The following MYOF variants were observed in gnomAD, a reference collection of about 807,000 sequenced individuals.
The protein encoded by MYOF is fer-1-like 3, myoferlin.
In MYOF, 244 loss-of-function variants were observed where a neutral mutation model predicts 284.2. That is an observed-to-expected ratio of 0.86 (90% confidence interval 0.77 to 0.95). The LOEUF is 0.95. Among genes scored for constraint, MYOF ranks in the 40% least tolerant of loss-of-function variants. The pLI is 0.00. For synonymous variants in MYOF, 904 were observed against 919.7 expected (o/e 0.98, Z 0.31); for missense variants, 2,496 against 2,560.6 (o/e 0.97, Z 0.54).
intron 2 of MYOF, among the ~76,000 whole-genome samples, chr10:93,456,263 G>A (rs701883): frequency 0.95 from 145,238 of 152,280 alleles, 69,615 homozygotes; most frequent in East Asian, 1. Context: ...ATCAGATGTC[G>A]TATTTCATTA....
At chr10:93,383,868 G>A (rs1024676701) in intron 19 of MYOF, among the ~76,000 whole-genome samples, 7 of 152,130 alleles carry the variant, frequency 4.6e-5, no homozygotes, top group South Asian at 2.1e-4. Flanking sequence ...TGGGAACTAC[G>A]GGGATGATAC....
At chr10:93,328,700 C>T in intron 45 of MYOF, 63 bp downstream of exon 45, 2 of 1,520,382 alleles carry the variant, frequency 1.3e-6, no homozygotes, top group Non-Finnish European at 1.8e-6. Context: ...CTCCCCCAAA[C>T]CCAGCAATAT....
At chr10:93,482,021 T>C (rs1440904536) in intron 1 of MYOF, 86 bp downstream of exon 1, 2 of 1,308,968 alleles carry the variant, frequency 1.5e-6, no homozygotes, top group Non-Finnish European at 2.2e-6. Context: ...TCATCAGCTG[T>C]CTAAATGCAG....
chr10:93,418,286 C>T (rs1848215936), intron 5 of MYOF, among the ~76,000 whole-genome samples: 2 of 152,156 alleles, frequency 1.3e-5, no homozygotes, highest in Admixed American at 1.3e-4. Context: ...AGTTTTGAAG[C>T]AGGAAAACAT....
At chr10:93,425,340 CGGCTGAGGAAGGGACAGAGACTTTTA>C (rs1848537648) in intron 5 of MYOF, among the ~76,000 whole-genome samples, 1 of 152,056 alleles carries the variant, frequency 6.6e-6, no homozygotes, top group Non-Finnish European at 1.5e-5. Flanking sequence ...ATGCATCTTA[CGGCTGAGGAAGGGACAGAGACTTTTA>C]GCATCACGTC....
chr10:93,401,287 A>G (rs1342062967), intron 12 of MYOF, 131 bp downstream of exon 12: 2 of 1,295,360 alleles, frequency 1.5e-6, no homozygotes, highest in Non-Finnish European at 2.1e-6. Flanking sequence ...ATGAATGAAA[A>G]TAAGCCCATG....
At chr10:93,466,097 T>C (rs2057004001) in intron 1 of MYOF, among the ~76,000 whole-genome samples, 1 of 152,210 alleles carries the variant, frequency 6.6e-6, no homozygotes, top group Non-Finnish European at 1.5e-5. Context: ...GAGAAGTTTC[T>C]GAGAAGGGCT....
rs780837832 is a variant in MYOF, at chr10:93,456,897, G to T, written c.129C>A (p.Asn43Lys). 3.7e-6 allele frequency: 6 copies of T among 1,608,360 alleles called. No individual in the cohort carries two copies. The highest frequency in any genetic ancestry group is 2.2e-5 in the South Asian group (2 of 90,242). The stretch of plus-strand genomic sequence containing the variant: ...ATGAAGTCACCTCATTCCAGACAGG[G>T]TTCAATTCATTATCAACTTTCTTTG... ...KKTKKVDNEL[N>K]PVWNEILEFD... The change falls in exon 2 of 54, where the codon AAC becomes AAA. Residue 43 changes from asparagine (N) to lysine (K), a missense_variant. Asn to Lys is a moderately conservative substitution (Grantham distance 94). Around this residue, in one of 3 missense-constraint regions of MYOF, gnomAD observed 57 missense variants for 62.4 expected, o/e 0.91. Transcript: ENST00000359263.
At chr10:93,462,830 T>TA (rs891228528) in intron 1 of MYOF, among the ~76,000 whole-genome samples, 42 of 142,984 alleles carry the variant, frequency 2.9e-4, no homozygotes, top group South Asian at 1.5e-3. Flanking sequence ...TCTGTAAAAA[T>TA]AAAAAAAAAA....
intron 16 of MYOF, among the ~76,000 whole-genome samples, chr10:93,395,576 G>A (rs1846961987): frequency 6.6e-6 from 1 of 152,116 alleles, no homozygotes; most frequent in African/African-American, 2.4e-5. Flanking sequence ...TAGGCAAATA[G>A]TTCTCAAGAA....
Position 93,366,479 on chromosome 10 carries a change from G to T in MYOF, c.2666C>A (p.Thr889Lys). Reference protein sequence around the residue: ...LVGRHKFSDVTGKIKLKREFF... With the variant: ...LVGRHKFSDVKGKIKLKREFF... Reference sequence around the variant, plus strand: ...TTCCCTCTTGAGTTTTATTTTTCCTGTGACATCAGAAAACTTATGACGTCC... The same window carrying T: ...TTCCCTCTTGAGTTTTATTTTTCCTTTGACATCAGAAAACTTATGACGTCC... The change falls in exon 26 of 54, where the codon ACA (threonine) becomes AAA (lysine). Residue 889 changes from threonine to lysine, a missense_variant. Around this residue, in one of 3 missense-constraint regions of MYOF, gnomAD observed 2,436 missense variants for 2,480.7 expected, o/e 0.98. Transcript: ENST00000359263. 6.2e-7 allele frequency: 1 copy of T among 1,613,828 alleles called. No homozygotes were observed. Among genetic ancestry groups the T allele is most frequent in the Non-Finnish European group, 8.5e-7 (1 of 1,179,942 alleles).
chr10:93,400,638 C>T (rs1419675365), intron 12 of MYOF, among the ~76,000 whole-genome samples: 1 of 152,050 alleles, frequency 6.6e-6, no homozygotes, highest in Non-Finnish European at 1.5e-5. Flanking sequence ...AGAAGGGTCC[C>T]ATGTCCCAGA....
intron 1 of MYOF, among the ~76,000 whole-genome samples, chr10:93,465,533 C>CT (rs753278804): frequency 2.3e-4 from 12 of 53,196 alleles, no homozygotes; most frequent in South Asian, 1.9e-3. Context: ...TCTTTTTTTT[C>CT]TTTTCTTTTT....
intron 53 of MYOF, among the ~76,000 whole-genome samples, chr10:93,307,303 A>AT (rs567093895): frequency 6.7e-4 from 100 of 149,752 alleles, no homozygotes; most frequent in East Asian, 1.2e-3. Flanking sequence ...TTTTATTTTT[A>AT]TTTTTTTTTT....
intron 17 of MYOF, among the ~76,000 whole-genome samples, chr10:93,389,634 A>G (rs1245967898): frequency 6.6e-6 from 1 of 152,226 alleles, no homozygotes; most frequent in Non-Finnish European, 1.5e-5. Flanking sequence ...TTTAAATTTT[A>G]TATGTAATAA....
chr10:93,420,761 T>C (rs1848325650), intron 5 of MYOF, among the ~76,000 whole-genome samples: 1 of 152,248 alleles, frequency 6.6e-6, no homozygotes, highest in Admixed American at 6.5e-5. Context: ...ACTTTCCGTG[T>C]CATGTATCTC....
chr10:93,351,898 C>T, intron 32 of MYOF, 52 bp from the exon 33 acceptor site: 1 of 1,482,728 alleles, frequency 6.7e-7, no homozygotes, highest in African/African-American at 1.4e-5. Context: ...ATCTAACTCC[C>T]CAGAACCACT....
chr10:93,372,980 C>T lies in MYOF; in HGVS notation c.2407G>A (p.Glu803Lys). The T allele has an allele frequency of 7.4e-6, 12 of 1,614,232 alleles. No homozygotes were observed. The highest frequency in any genetic ancestry group is 1.0e-5 in the Non-Finnish European group (12 of 1,180,040). Residue 803 changes from glutamate (E) to lysine (K), a missense_variant, in exon 24 of 54, where the codon GAG becomes AAG. Around this residue, in one of 3 missense-constraint regions of MYOF, gnomAD observed 2,436 missense variants for 2,480.7 expected, o/e 0.98. Coordinates refer to ENST00000359263, the MANE Select transcript of MYOF (RefSeq NM_013451.4). ...CCACAGTATTTTCCAGATGCATTCT[C>T]ACCACTGGTGGAGTACAAGACCTGA... is the stretch of plus-strand genomic sequence containing the variant. ...AHQVLYSTSG[E>K]NASGKYCGKT...
chr10:93,358,828 A>G (rs1026998968), intron 29 of MYOF, among the ~76,000 whole-genome samples: 1 of 152,128 alleles, frequency 6.6e-6, no homozygotes, highest in African/African-American at 2.4e-5. Flanking sequence ...ATAAATAGCT[A>G]ATGCATGCTG....
Sources: gnomAD v4.1 joint callset for allele counts (sites outside exome capture counted in the v4.1 genomes callset) on GRCh38, gnomAD v4.1.1 for gene constraint, gnomAD v4.1.1 regional missense constraint, MANE v1.5 for transcripts, NCBI Gene and HGNC (gene_info 2026-07-23, HGNC 2026-07-21) for gene names.